Variants in ITGA8 observed in about 807,000 individuals in gnomAD.
The protein encoded by ITGA8 is integrin subunit alpha 8, also known as integrin alpha-8.
A neutral mutation model predicts 142.3 loss-of-function variants in ITGA8; 91 were observed. The ratio of observed to expected loss-of-function variants is 0.64; its 90% CI spans 0.54 to 0.76. The LOEUF is 0.76. ITGA8 is among the 30% of genes least tolerant of loss of function. The pLI is 0.00. For missense variants in ITGA8, 1,406 were observed against 1,327.7 expected (o/e 1.06, Z -0.92); for synonymous variants, 505 against 485.2 (o/e 1.04, Z -0.54).
intron 22 of ITGA8, among the ~76,000 whole-genome samples, chr10:15,588,087 C>T (rs1239847548): frequency 6.6e-6 from 1 of 152,034 alleles, no homozygotes; most frequent in East Asian, 1.9e-4. Flanking sequence ...ATCATCAAAC[C>T]TCACTCTGAT....
At chr10:15,625,605 T>C (rs1032077107) in intron 13 of ITGA8, among the ~76,000 whole-genome samples, 2 of 152,336 alleles carry the variant, frequency 1.3e-5, no homozygotes, top group Admixed American at 6.5e-5. Flanking sequence ...GATAAACTCC[T>C]ATTGATAAAA....
Position 15,655,273 on chromosome 10 carries a change from G to T in ITGA8, c.1001+81C>A, listed in dbSNP as rs186613050. ...CTATCTTGTTGAGGCAATAAGGAAG[G>T]GTGTATTTTGTGAAGGAAAAACATA... On this transcript the variant is annotated intron_variant, in intron 11 of 29. Coordinates refer to ENST00000378076, the MANE Select transcript of ITGA8 (RefSeq NM_003638.3). 1.5e-4 allele frequency: 138 copies of T among 926,784 alleles called. 1 individual carries two copies. In the Admixed American group the frequency reaches 2.9e-3, roughly 20 times the overall value. The allele number at this position is 926,784 out of a possible 1,614,324, so 57.4% of individuals were successfully genotyped here. A position where few individuals can be genotyped will look rare whatever the true frequency, so the allele number is the denominator to read the frequency against.
chr10:15,651,814 A>G (rs1588699446), intron 11 of ITGA8, among the ~76,000 whole-genome samples: 1 of 152,156 alleles, frequency 6.6e-6, no homozygotes, highest in Non-Finnish European at 1.5e-5. Context: ...TTGTAATTTC[A>G]GACTTCACTT....
intron 25 of ITGA8, among the ~76,000 whole-genome samples, chr10:15,563,728 A>G (rs1206625814): frequency 6.6e-6 from 1 of 152,174 alleles, no homozygotes; most frequent in African/African-American, 2.4e-5. Flanking sequence ...CAGCCTGGCC[A>G]ACATGGCAAA....
chr10:15,682,946 A>AT (rs5783464), intron 4 of ITGA8, among the ~76,000 whole-genome samples: 118,784 of 151,376 alleles, frequency 0.78, 48,139 homozygotes, highest in Middle Eastern at 0.9. Context: ...TCACTAATCG[A>AT]TTTTTTCTCT....
At chr10:15,597,872 A>G (rs1008588593) in intron 20 of ITGA8, among the ~76,000 whole-genome samples, 1 of 152,102 alleles carries the variant, frequency 6.6e-6, no homozygotes, top group Non-Finnish European at 1.5e-5. Flanking sequence ...CTTCCCTTAT[A>G]TCCTATTCCA....
chr10:15,701,938 C>T (rs1835172499), intron 2 of ITGA8, among the ~76,000 whole-genome samples: 2 of 152,162 alleles, frequency 1.3e-5, no homozygotes, highest in African/African-American at 2.4e-5. Context: ...CATCTGAGAA[C>T]AGGGAATACT....
At chr10:15,661,929 A>G (rs1023785888) in intron 8 of ITGA8, among the ~76,000 whole-genome samples, 3 of 152,212 alleles carry the variant, frequency 2.0e-5, no homozygotes, top group Non-Finnish European at 2.9e-5. Flanking sequence ...TTCTCCTGAC[A>G]CTAAAAACAA....
rs1834817971 is a variant in ITGA8 at position 15,685,460 on chromosome 10, G to A, written c.445-1333C>T. 2.0e-5 allele frequency among the ~76,000 whole-genome samples: 3 copies of A among 152,072 alleles called. No homozygotes were observed. In the South Asian group the frequency reaches 6.2e-4, roughly 32 times the overall value. ...CTGCCCACAGGACTTATATATGAAGGTTTGCATATAAAACTTGATTAATAG... is the reference window on the plus strand; with the variant it reads ...CTGCCCACAGGACTTATATATGAAGATTTGCATATAAAACTTGATTAATAG... On this transcript the variant is annotated intron_variant, in intron 3 of 29. Coordinates refer to ENST00000378076, the MANE Select transcript of ITGA8 (RefSeq NM_003638.3).
At chr10:15,695,225 C>A (rs921931617) in intron 2 of ITGA8, among the ~76,000 whole-genome samples, 3 of 152,108 alleles carry the variant, frequency 2.0e-5, no homozygotes, top group Non-Finnish European at 4.4e-5. Context: ...CATATCCAAT[C>A]CAGGGATTAT....
At chr10:15,634,648 C>G (rs1261611019) in intron 13 of ITGA8, among the ~76,000 whole-genome samples, 1 of 152,170 alleles carries the variant, frequency 6.6e-6, no homozygotes, top group African/African-American at 2.4e-5. Flanking sequence ...ATAACAATCT[C>G]TTGAATATCA....
At chr10:15,629,852 C>G (rs146708392) in intron 13 of ITGA8, among the ~76,000 whole-genome samples, 15 of 151,958 alleles carry the variant, frequency 9.9e-5, no homozygotes, top group African/African-American at 3.1e-4. Context: ...CTCTTGAACC[C>G]GGGAAGCAGA....
intron 2 of ITGA8, among the ~76,000 whole-genome samples, chr10:15,715,296 G>A (rs1835430235): frequency 6.6e-6 from 1 of 152,014 alleles, no homozygotes; most frequent in South Asian, 2.1e-4. Flanking sequence ...CCCCTCTCTG[G>A]AGAATAATTT....
rs945294449 is a variant in ITGA8 at position 15,548,392 on chromosome 10, C to T, written c.2880+63G>A. 15 of 1,144,104 alleles carry T rather than the reference C, an allele frequency of 1.3e-5. No homozygotes were observed. In the South Asian group the frequency reaches 1.6e-4, roughly 12 times the overall value. 70.9% of individuals were successfully genotyped at this position (1,144,104 alleles called of 1,614,324 possible). ...GAAATCGCTATGAAAAGACTTCCCA[C>T]TGAGCTTTTGTGAAGCAGCTCCCAG... is the stretch of plus-strand genomic sequence containing the variant. On this transcript the variant is annotated intron_variant, in intron 27 of 29. Transcript: ENST00000378076.
chr10:15,572,079 A>G (rs1834195020), intron 25 of ITGA8, 132 bp downstream of exon 25: 1 of 610,592 alleles, frequency 1.6e-6, no homozygotes, highest in South Asian at 4.6e-5. Context: ...TATAAAATGA[A>G]AAGTTCTGAT....
intron 27 of ITGA8, among the ~76,000 whole-genome samples, chr10:15,541,719 C>A (rs567254645): frequency 7.5e-4 from 114 of 152,234 alleles, no homozygotes; most frequent in Non-Finnish European, 1.3e-3. Context: ...AGGAGCTTAC[C>A]CTCTGATGTC....
rs1287423547 is a variant in ITGA8 at position 15,572,279 on chromosome 10, A to G, written c.2569T>C (p.Phe857Leu). Residue 857 changes from phenylalanine (F) to leucine (L), a missense_variant, in exon 25 of 30, where the codon TTC becomes CTC. Physicochemically the swap from Phe to Leu is conservative, Grantham distance 22. Transcript: ENST00000378076. Reference sequence around the variant, plus strand: ...AGAGGTCCCAGAGTTTGAATATGGAAAATATAGAGAAGAAATTCATCCCGG... The same window carrying G: ...AGAGGTCCCAGAGTTTGAATATGGAGAATATAGAGAAGAAATTCATCCCGG... Reference protein sequence around the residue: ...SARDEFLLYIFHIQTLGPLQC... With the variant: ...SARDEFLLYILHIQTLGPLQC... The G allele has an allele frequency of 6.2e-7, 1 of 1,614,034 alleles. No individual in the cohort carries two copies. Among genetic ancestry groups the G allele is most frequent in the Non-Finnish European group, 8.5e-7 (1 of 1,179,920 alleles).
intron 27 of ITGA8, among the ~76,000 whole-genome samples, chr10:15,532,832 A>T (rs1013302552): frequency 6.6e-6 from 1 of 151,978 alleles, no homozygotes; most frequent in African/African-American, 2.4e-5. Flanking sequence ...TTATATTTCT[A>T]AAAAAAAGGT....
At chr10:15,618,011 G>T (rs1198797963) in intron 13 of ITGA8, among the ~76,000 whole-genome samples, 1 of 152,188 alleles carries the variant, frequency 6.6e-6, no homozygotes, top group Non-Finnish European at 1.5e-5. Context: ...ACTTATAAGT[G>T]GGAGCTAAAA....
Sources: gnomAD v4.1 joint callset for allele counts (sites outside exome capture counted in the v4.1 genomes callset) on GRCh38, gnomAD v4.1.1 for gene constraint, MANE v1.5 for transcripts, NCBI Gene and HGNC (gene_info 2026-07-23, HGNC 2026-07-21) for gene names.